The following YARS2 variants were observed in gnomAD, a reference collection of about 807,000 sequenced individuals.
The protein encoded by YARS2 is tyrosine--tRNA ligase, mitochondrial.
Under a neutral mutation model 45.0 loss-of-function variants are expected in YARS2, and 38 were observed. The observed-to-expected ratio is 0.84, with a 90% CI of 0.65 to 1.11. The LOEUF (loss-of-function observed/expected upper bound fraction) is 1.11. Ranked by LOEUF, YARS2 falls within the 50% of genes least tolerant of loss-of-function variation. The pLI is 0.00. For synonymous variants in YARS2, 287 were observed against 245.1 expected (o/e 1.17, Z -1.60); for missense variants, 602 against 599.8 (o/e 1.00, Z -0.04).
chr12:32,747,123 C>CT lies in YARS2; in HGVS notation c.*80dup. 1.3e-6 allele frequency: 2 copies of CT among 1,483,150 alleles called. No individual in the cohort carries two copies. Among genetic ancestry groups the CT allele is most frequent in the South Asian group, 1.2e-5 (1 of 84,932 alleles). 91.9% of individuals were successfully genotyped at this position (1,483,150 alleles called of 1,614,324 possible). The stretch of plus-strand genomic sequence containing the variant: ...TTTTCTGATTTGCATAAGCAAAGGT[C>CT]TAAGTTCTGGAGCCAACCCTTCAGA... On this transcript the variant is annotated 3_prime_UTR_variant, in exon 5 of 5. Coordinates refer to ENST00000324868, the MANE Select transcript of YARS2 (RefSeq NM_001040436.3).
chr12:32,751,782 C>T (rs1321409467), intron 2 of YARS2, among the ~76,000 whole-genome samples: 2 of 152,178 alleles, frequency 1.3e-5, no homozygotes, highest in Admixed American at 1.3e-4. Context: ...CTATGAGAAT[C>T]TAATGCAACC....
At chr12:32,751,843 C>T (rs184725580) in intron 2 of YARS2, among the ~76,000 whole-genome samples, 4 of 152,354 alleles carry the variant, frequency 2.6e-5, no homozygotes, top group African/African-American at 9.6e-5. Flanking sequence ...TCGCCTGCCA[C>T]TCAGCTCCTG....
chr12:32,749,645 A>T (rs1955701142), intron 4 of YARS2, among the ~76,000 whole-genome samples: 2 of 152,052 alleles, frequency 1.3e-5, no homozygotes, highest in African/African-American at 2.4e-5. Context: ...CAGTGGTGGG[A>T]TCTCCGCTCA....
Position 32,755,771 on chromosome 12 carries a change from G to T in YARS2, c.104C>A (p.Ala35Asp), listed in dbSNP as rs149447502. The T allele has an allele frequency of 2.9e-3, 4,715 of 1,613,946 alleles. 42 individuals carry two copies. The highest frequency in any genetic ancestry group is 0.017 in the South Asian group (1,520 of 91,090). The change falls in exon 1 of 5, where the codon GCT becomes GAT. Residue 35 changes from alanine to aspartate, a missense_variant. Transcript: ENST00000324868. ...PLGLRKAHSG[A>D]QGLLAAQKAR... is the part of the protein sequence containing the mutation. ...CTTCTGCGCTGCCAGTAACCCCTGA[G>T]CGCCCGAGTGGGCCTTACGCAGCCC...
intron 2 of YARS2, among the ~76,000 whole-genome samples, chr12:32,751,258 G>A (rs1176709699): frequency 1.3e-5 from 2 of 151,350 alleles, no homozygotes; most frequent in Non-Finnish European, 2.9e-5. Flanking sequence ...TTGTAAAGAC[G>A]GGGTCTCCTG....
intron 2 of YARS2, among the ~76,000 whole-genome samples, chr12:32,752,575 C>G (rs1257271549): frequency 6.6e-6 from 1 of 151,294 alleles, no homozygotes; most frequent in African/African-American, 2.4e-5. Flanking sequence ...GCCAACATGG[C>G]GAAACCCTGC....
In YARS2 at chr12:32,747,333, G is replaced by A. The variant is rs2137643817; in HGVS notation, c.1305C>T (p.Ser435=). 1.9e-6 allele frequency: 3 copies of A among 1,614,074 alleles called. No individual in the cohort carries two copies. The highest frequency in any genetic ancestry group is 4.5e-5 in the East Asian group (2 of 44,862). ...GATTTGTTACTTGTTGGTGATTTATGCTGACTCCGCCTTCTGTTATCATTC... is the reference window on the plus strand; with the variant it reads ...GATTTGTTACTTGTTGGTGATTTATACTGACTCCGCCTTCTGTTATCATTC... The part of the protein sequence containing the change: ...GYRMITEGGV[S]INHQQVTNPE... Residue 435 remains serine (S), a synonymous_variant, in exon 5 of 5, where the codon AGC becomes AGT. Transcript: ENST00000324868.
Position 32,750,708 on chromosome 12 carries a change from T to C in YARS2, c.1103+11A>G. On this transcript the variant is annotated intron_variant, in intron 3 of 4. Transcript: ENST00000324868. ...ACTAACTATCAAGTGTTAATCATAC[T>C]AAACTACTACCTTTTAGCAGAATCC... 1.2e-6 allele frequency: 2 copies of C among 1,613,588 alleles called. No individual in the cohort carries two copies. Among genetic ancestry groups the C allele is most frequent in the Non-Finnish European group, 1.7e-6 (2 of 1,180,008 alleles).
At chr12:32,752,016 T>C (rs7969353) in intron 2 of YARS2, among the ~76,000 whole-genome samples, 28,302 of 152,190 alleles carry the variant, frequency 0.19, 3,133 homozygotes, top group African/African-American at 0.32. Context: ...ATGTGCTGTA[T>C]GTGCTTCTAC....
chr12:32,752,080 T>C (rs545689185), intron 2 of YARS2, among the ~76,000 whole-genome samples: 1 of 152,280 alleles, frequency 6.6e-6, no homozygotes, highest in African/African-American at 2.4e-5. Context: ...GGCTATGCTA[T>C]CTATGTTTGT....
rs1290441445 is a variant in YARS2, at chr12:32,750,778, T to C, written c.1044A>G (p.Arg348=). The C allele has an allele frequency of 1.2e-6, 2 of 1,614,050 alleles. No individual in the cohort carries two copies. The highest frequency in any genetic ancestry group is 1.7e-5 in the Admixed American group (1 of 59,988). Residue 348 remains arginine, a synonymous_variant, in exon 3 of 5, where the codon CGA becomes CGG. Transcript: ENST00000324868. ...KEPERRGPQK[R]LAAEVTKLVH... is the part of the protein sequence containing the mutation. The stretch of plus-strand genomic sequence containing the variant: ...CAAGCTTTGTTACTTCTGCTGCCAG[T>C]CGTTTCTGAGGACCCCGCCTTTCTG...
rs751098669 is a variant in YARS2, at chr12:32,755,246, C to G, written c.629G>C (p.Ser210Thr). Residue 210 changes from serine (S) to threonine (T), a missense_variant, in exon 1 of 5, where the codon AGC (serine) becomes ACC (threonine). Transcript: ENST00000324868. ...SRQSVQLRLK[S>T]PEGMSLAEFF... ...CTCGGCCAAGCTCATGCCCTCGGGG[C>G]TCTTGAGCCGCAGCTGCACGCTCTG... The G allele has an allele frequency of 4.3e-6, 7 of 1,614,202 alleles. No homozygotes were observed. Among genetic ancestry groups the G allele is most frequent in the Non-Finnish European group, 5.9e-6 (7 of 1,180,048 alleles).
At position 32,750,718 on chromosome 12, in the gene YARS2, C is replaced by T. The variant is rs1333374480; in HGVS notation, c.1103+1G>A. ...AAGTGTTAATCATACTAAACTACTA[C>T]CTTTTAGCAGAATCCAATCCTTCTC... On this transcript the variant is annotated splice_donor_variant, in intron 3 of 4. Coordinates refer to ENST00000324868, the MANE Select transcript of YARS2 (RefSeq NM_001040436.3). LOFTEE classifies it high-confidence loss of function. The T allele has an allele frequency of 6.2e-7, 1 of 1,613,702 alleles. No homozygotes were observed. The highest frequency in any genetic ancestry group is 8.5e-7 in the Non-Finnish European group (1 of 1,180,026).
At chr12:32,750,487 C>T (rs1251044859) in intron 3 of YARS2, among the ~76,000 whole-genome samples, 1 of 152,220 alleles carries the variant, frequency 6.6e-6, no homozygotes, top group Non-Finnish European at 1.5e-5. Flanking sequence ...AGGCGTGAGC[C>T]ACCGCGCCCG....
At position 32,755,396 on chromosome 12, in the gene YARS2, G is replaced by C; in HGVS notation, c.479C>G (p.Thr160Ser). 6.2e-7 allele frequency: 1 copy of C among 1,613,872 alleles called. No homozygotes were observed. The highest frequency in any genetic ancestry group is 1.1e-5 in the South Asian group (1 of 91,090). The change falls in exon 1 of 5, where the codon ACT (threonine) becomes AGT (serine). Residue 160 changes from threonine to serine, a missense_variant. By Grantham distance (58) the Thr-to-Ser change is moderately conservative. Transcript: ENST00000324868. Reference protein sequence around the residue: ...ALAANHQQLFTDGRSWGSFTV... With the variant: ...ALAANHQQLFSDGRSWGSFTV... Reference sequence around the variant, plus strand: ...GAAGCTGCCCCAGGAGCGCCCATCAGTGAAAAGCTGCTGGTGATTAGCCGC... The same window carrying C: ...GAAGCTGCCCCAGGAGCGCCCATCACTGAAAAGCTGCTGGTGATTAGCCGC...
chr12:32,755,537 C>A lies in YARS2; in HGVS notation c.338G>T (p.Gly113Val). 4 of 1,613,464 alleles carry A rather than the reference C, an allele frequency of 2.5e-6. No individual in the cohort carries two copies. Among genetic ancestry groups the A allele is most frequent in the Non-Finnish European group, 3.4e-6 (4 of 1,179,814 alleles). The change falls in exon 1 of 5, where the codon GGA (glycine) becomes GTA (valine). Residue 113 changes from glycine (G) to valine (V), a missense_variant. Physicochemically the swap from Gly to Val is moderately radical, Grantham distance 109. Transcript: ENST00000324868. ...GTCTCCCAGGCGCGCCGTGGCGCCT[C>A]CCACCAGCGCGATCACGTTGTGGCC... ...RAGHNVIALVGGATARLGDPS... is the reference protein window; with the variant it reads ...RAGHNVIALVVGATARLGDPS...
intron 2 of YARS2, chr12:32,752,876 T>C: frequency 3.4e-6 from 1 of 295,234 alleles, no homozygotes; most frequent in South Asian, 3.0e-5. Context: ...TAAGGCATGA[T>C]AATCTTCCAC....
rs769340910 is a variant in YARS2, at chr12:32,747,378, C to T, written c.1275-15G>A. 21 of 1,612,774 alleles carry T rather than the reference C, an allele frequency of 1.3e-5. No homozygotes were observed. Among genetic ancestry groups the T allele is most frequent in the African/African-American group, 5.3e-5 (4 of 74,910 alleles). ...TCATTCGATACCTAAAAAATAGAAA[C>T]GTTTAGTAAGTAGAGAGATCCAATC... On this transcript the variant is annotated splice_polypyrimidine_tract_variant and intron_variant, in intron 4 of 4. Coordinates refer to ENST00000324868, the MANE Select transcript of YARS2 (RefSeq NM_001040436.3).
chr12:32,750,677 T>C, intron 3 of YARS2, 42 bp downstream of exon 3: 1 of 1,610,274 alleles, frequency 6.2e-7, no homozygotes, highest in Non-Finnish European at 8.5e-7. Flanking sequence ...GTCTATCCAC[T>C]GAATAACTAA....
Sources: gnomAD v4.1 joint callset for allele counts (sites outside exome capture counted in the v4.1 genomes callset) on GRCh38, gnomAD v4.1.1 for gene constraint, MANE v1.5 for transcripts, NCBI Gene and HGNC (gene_info 2026-07-23, HGNC 2026-07-21) for gene names.